The following RNF19A variants were observed in gnomAD, a reference collection of about 807,000 sequenced individuals.
RNF19A encodes ring finger protein 19A, RBR E3 ubiquitin protein ligase.
A neutral mutation model predicts 75.7 loss-of-function variants in RNF19A; 32 were observed. The ratio of observed to expected loss-of-function variants is 0.42; its 90% confidence interval spans 0.32 to 0.57. The LOEUF is 0.57. Ranked by LOEUF, RNF19A falls within the 20% of genes least tolerant of loss-of-function variation. The pLI is 0.10. For missense variants in RNF19A, 782 were observed against 1,036.3 expected (o/e 0.75, Z 3.37); for synonymous variants, 335 against 345.2 (o/e 0.97, Z 0.33).
chr8:100,318,003 A>T (rs1822408411), intron 1 of RNF19A, among the ~76,000 whole-genome samples: 1 of 149,868 alleles, frequency 6.7e-6, no homozygotes, highest in African/African-American at 2.5e-5. Context: ...CACCCTCTCC[A>T]GCCCCTGACC....
intron 1 of RNF19A, among the ~76,000 whole-genome samples, chr8:100,316,118 C>T (rs1233101065): frequency 6.6e-6 from 1 of 152,004 alleles, no homozygotes; most frequent in African/African-American, 2.4e-5. Context: ...CTCGCTGGCT[C>T]AGGAGTAAAG....
At chr8:100,271,886 AT>A (rs1326338483) in intron 3 of RNF19A, among the ~76,000 whole-genome samples, 1 of 152,158 alleles carries the variant, frequency 6.6e-6, no homozygotes, top group Admixed American at 6.6e-5. Context: ...TTGATCCCCC[AT>A]TCCCCAAGAA....
chr8:100,270,193 T>C (rs889602894), intron 3 of RNF19A, among the ~76,000 whole-genome samples, 180 bp from the exon 4 acceptor site: 1 of 152,182 alleles, frequency 6.6e-6, no homozygotes, highest in Admixed American at 6.5e-5. Context: ...AAACATACTT[T>C]ACATTAAAAT....
intron 2 of RNF19A, among the ~76,000 whole-genome samples, chr8:100,281,111 C>T (rs1820763167): frequency 6.6e-6 from 1 of 152,160 alleles, no homozygotes; most frequent in African/African-American, 2.4e-5. Flanking sequence ...TAATTCAAGC[C>T]TTACTTTCCT....
At position 100,261,766 on chromosome 8, in the gene RNF19A, A is replaced by C. The variant is rs1265133946; in HGVS notation, c.1469-11T>G. The C allele has an allele frequency of 6.2e-7, 1 of 1,612,810 alleles. No individual in the cohort carries two copies. The highest frequency in any genetic ancestry group is 8.5e-7 in the Non-Finnish European group (1 of 1,178,874). Reference sequence around the variant, plus strand: ...CTACTGATGTTGTGTCTAAATGCAAATATTCCAAAGAAACTAAGTAAGTAT... The same window carrying C: ...CTACTGATGTTGTGTCTAAATGCAACTATTCCAAAGAAACTAAGTAAGTAT... On this transcript the variant is annotated splice_polypyrimidine_tract_variant and intron_variant, in intron 7 of 9. Coordinates refer to ENST00000341084, the MANE Select transcript of RNF19A (RefSeq NM_183419.4). The surrounding 1 kb of genome is among the most constrained non-coding windows in gnomAD (Gnocchi z 4.4).
At chr8:100,316,934 A>C (rs1262542389) in intron 1 of RNF19A, among the ~76,000 whole-genome samples, 1 of 152,228 alleles carries the variant, frequency 6.6e-6, no homozygotes. Context: ...AAGGCAGCTA[A>C]GGGTCGGTGA....
intron 2 of RNF19A, among the ~76,000 whole-genome samples, chr8:100,277,800 T>C (rs147500000): frequency 1.1e-3 from 161 of 152,236 alleles, no homozygotes; most frequent in African/African-American, 3.7e-3. Context: ...TTTTTTTTAA[T>C]CAAAGTTTTA....
In RNF19A at chr8:100,257,073, A is replaced by G. The variant is rs1480587528; in HGVS notation, c.*1483T>C. The G allele has an allele frequency of 6.6e-6, 1 of 152,660 alleles. No homozygotes were observed. The highest frequency in any genetic ancestry group is 1.5e-5 in the Non-Finnish European group (1 of 68,024). The allele number at this position is 152,660 out of a possible 1,614,324, so 9.5% of individuals were successfully genotyped here. ...ACACACCAGAAGGCAGCAGTACATT[A>G]GTATTTACATTTATTTAACGTATGC... On this transcript the variant is annotated 3_prime_UTR_variant, in exon 10 of 10. Coordinates refer to ENST00000341084, the MANE Select transcript of RNF19A (RefSeq NM_183419.4).
At chr8:100,262,185 CA>C (rs1446122735) in intron 7 of RNF19A, among the ~76,000 whole-genome samples, 1 of 152,186 alleles carries the variant, frequency 6.6e-6, no homozygotes, top group African/African-American at 2.4e-5. Flanking sequence ...CAGTACCTCT[CA>C]CACATTTTGT....
chr8:100,333,969 T>C lies in RNF19A; in HGVS notation c.-243+2139A>G, dbSNP rs1822643011. The stretch of plus-strand genomic sequence containing the variant: ...CCCCACTCTACTGAAATTATCCAAG[T>C]GTATTTACTACTACTGCCCAATAAA... On this transcript the variant is annotated intron_variant, in intron 1 of 3. Coordinates refer to the RNF19A transcript ENST00000519527. This position sits in a 1 kb window ranked among gnomAD's most constrained non-coding sequence, Gnocchi z 4.7. 6.6e-6 allele frequency among the ~76,000 whole-genome samples: 1 copy of C among 152,230 alleles called. No individual in the cohort carries two copies. The highest frequency in any genetic ancestry group is 2.4e-5 in the African/African-American group (1 of 41,454).
chr8:100,314,716 C>T (rs780463238), upstream of RNF19A, among the ~76,000 whole-genome samples: 7 of 152,168 alleles, frequency 4.6e-5, no homozygotes, highest in African/African-American at 2.4e-5. This position sits in a 1 kb window ranked among gnomAD's most constrained non-coding sequence, Gnocchi z 4.1. Flanking sequence ...TTTCTATCAA[C>T]TCTCACTGGT....
rs1563849597 is a variant in RNF19A, at chr8:100,284,368, A to T, written c.674+3133T>A. Among the ~76,000 whole-genome samples, 1 of 152,178 alleles carries T rather than the reference A, an allele frequency of 6.6e-6. No homozygotes were observed. Among genetic ancestry groups the T allele is most frequent in the East Asian group, 1.9e-4 (1 of 5,204 alleles). On this transcript the variant is annotated intron_variant, in intron 2 of 9. Transcript: ENST00000341084. This position sits in a 1 kb window ranked among gnomAD's most constrained non-coding sequence, Gnocchi z 4.3. ...ACACAATCATAAAACCTACATCACC[A>T]AGTATGTGAAATACGACCATAACAA...
At chr8:100,320,383 C>T (rs969440870) in intron 1 of RNF19A, among the ~76,000 whole-genome samples, 7 of 152,190 alleles carry the variant, frequency 4.6e-5, no homozygotes, top group African/African-American at 1.7e-4. Context: ...TGTAAATACA[C>T]ATTTTCATAC....
At position 100,257,611 on chromosome 8, in the gene RNF19A, C is replaced by G. The variant is rs1819515818; in HGVS notation, c.*945G>C. The G allele has an allele frequency of 6.2e-6, 1 of 162,188 alleles. No individual in the cohort carries two copies. Among genetic ancestry groups the G allele is most frequent in the South Asian group, 2.0e-4 (1 of 4,932 alleles). 10.0% of individuals were successfully genotyped at this position (162,188 alleles called of 1,614,324 possible). A position where few individuals can be genotyped will look rare whatever the true frequency, so the allele number is the denominator to read the frequency against. On this transcript the variant is annotated 3_prime_UTR_variant, in exon 10 of 10. Coordinates refer to ENST00000341084, the MANE Select transcript of RNF19A (RefSeq NM_183419.4). Reference sequence around the variant, plus strand: ...TGAGTGTGTCTTTGGTAGGCTAATACTTTTTCAGCATTATTAATCACATTC... The same window carrying G: ...TGAGTGTGTCTTTGGTAGGCTAATAGTTTTTCAGCATTATTAATCACATTC...
At chr8:100,320,743 CAG>C (rs1822454638) in intron 1 of RNF19A, among the ~76,000 whole-genome samples, 1 of 146,808 alleles carries the variant, frequency 6.8e-6, no homozygotes, top group South Asian at 2.3e-4. Context: ...GCATTTAGCA[CAG>C]TGTCTGGCAC....
chr8:100,279,593 C>A (rs938115619), intron 2 of RNF19A, among the ~76,000 whole-genome samples: 2 of 152,086 alleles, frequency 1.3e-5, no homozygotes, highest in Non-Finnish European at 2.9e-5. Context: ...CACTCTGTTG[C>A]CCAGGCTGGA....
chr8:100,307,996 T>C (rs1586687073), intron 1 of RNF19A, among the ~76,000 whole-genome samples: 1 of 152,208 alleles, frequency 6.6e-6, no homozygotes, highest in Non-Finnish European at 1.5e-5. Flanking sequence ...CAGTTCTTTA[T>C]ATTAAGTCTA....
chr8:100,329,486 G>T lies in RNF19A; in HGVS notation c.-243+6622C>A, dbSNP rs1263872127. Among the ~76,000 whole-genome samples, 1 of 152,146 alleles carries T rather than the reference G, an allele frequency of 6.6e-6. No homozygotes were observed. Among genetic ancestry groups the T allele is most frequent in the African/African-American group, 2.4e-5 (1 of 41,438 alleles). The stretch of plus-strand genomic sequence containing the variant: ...AAAAAAAGTCAGTGAATCTTAGGTT[G>T]CATTAGCAAAGCATGTATAGTGTCC... On this transcript the variant is annotated intron_variant, in intron 1 of 3. Coordinates refer to the RNF19A transcript ENST00000519527. This position sits in a 1 kb window ranked among gnomAD's most constrained non-coding sequence, Gnocchi z 4.3.
At chr8:100,314,318 A>C (rs767053746), upstream of RNF19A, among the ~76,000 whole-genome samples, 3 of 152,148 alleles carry the variant, frequency 2.0e-5, no homozygotes, top group Non-Finnish European at 4.4e-5. This position sits in a 1 kb window ranked among gnomAD's most constrained non-coding sequence, Gnocchi z 4.1. Flanking sequence ...TGATTGCTTT[A>C]TAAGTATTAA....
Sources: allele counts gnomAD v4.1 joint callset (sites outside exome capture counted in the v4.1 genomes callset), GRCh38; gene constraint gnomAD v4.1.1; non-coding constraint Gnocchi (gnomAD v3.1); transcripts MANE v1.5; gene names NCBI Gene and HGNC (gene_info 2026-07-23, HGNC 2026-07-21).